AGMO: variants seen among roughly 807,000 people sequenced by gnomAD.
AGMO encodes the protein alkylglycerol monooxygenase, also known as glyceryl-ether monooxygenase.
A neutral mutation model predicts 60.2 loss-of-function variants in AGMO; 75 were observed. That is an observed-to-expected ratio of 1.25 (90% confidence interval 1.03 to 1.51). AGMO has a LOEUF of 1.51. Among genes scored for constraint, AGMO ranks in the 40% most tolerant of loss-of-function variants. The pLI, the probability that AGMO is intolerant of heterozygous loss-of-function variation, is 0.00. For synonymous variants in AGMO, 261 were observed against 177.1 expected (o/e 1.47, Z -3.76); for missense variants, 763 against 525.5 (o/e 1.45, Z -4.42).
intron 3 of AGMO, among the ~76,000 whole-genome samples, chr7:15,510,838 AAC>A (rs1479717844): frequency 9.4e-5 from 14 of 148,530 alleles, no homozygotes; most frequent in African/African-American, 3.4e-4. Context: ...GATTAATATA[AAC>A]AAGAGTTTAT....
chr7:15,423,152 G>C (rs1254506477), intron 4 of AGMO, among the ~76,000 whole-genome samples: 1 of 151,856 alleles, frequency 6.6e-6, no homozygotes, highest in Non-Finnish European at 1.5e-5. Flanking sequence ...CATATTTCTA[G>C]GATTTTCATT....
intron 12 of AGMO, among the ~76,000 whole-genome samples, chr7:15,257,845 G>T (rs970883380): frequency 6.6e-6 from 1 of 152,188 alleles, no homozygotes; most frequent in Non-Finnish European, 1.5e-5. Context: ...GTTGTGGGCA[G>T]TGGAGATTAC....
chr7:15,533,234 T>G (rs1314093211), intron 3 of AGMO, among the ~76,000 whole-genome samples: 1 of 152,074 alleles, frequency 6.6e-6, no homozygotes, highest in Non-Finnish European at 1.5e-5. Context: ...GCTGTGGTTA[T>G]GTATTTATTC....
At chr7:15,296,879 T>TGTG (rs1318409692) in intron 12 of AGMO, among the ~76,000 whole-genome samples, 1 of 152,206 alleles carries the variant, frequency 6.6e-6, no homozygotes, top group African/African-American at 2.4e-5. Context: ...GCTAGTGTTT[T>TGTG]GTGGTTCTTT....
chr7:15,434,807 T>C (rs1781353400), intron 3 of AGMO, among the ~76,000 whole-genome samples: 1 of 152,162 alleles, frequency 6.6e-6, no homozygotes, highest in African/African-American at 2.4e-5. Flanking sequence ...TTTAAGCTTG[T>C]AACTTGTTAC....
the AGMO span, among the ~76,000 whole-genome samples, chr7:15,179,321 ATTTCC>A: frequency 1.3e-5 from 2 of 152,106 alleles, no homozygotes; most frequent in African/African-American, 4.8e-5. Context: ...CCTGAGGCAA[ATTTCC>A]TCCAGCTGTG....
At chr7:15,224,488 A>C (rs928870026) in intron 12 of AGMO, among the ~76,000 whole-genome samples, 3 of 152,046 alleles carry the variant, frequency 2.0e-5, no homozygotes, top group Middle Eastern at 3.4e-3. Flanking sequence ...TACAAGAAGA[A>C]GGCTATCACC....
At chr7:15,280,684 G>A (rs1424037530) in intron 12 of AGMO, among the ~76,000 whole-genome samples, 4 of 152,146 alleles carry the variant, frequency 2.6e-5, no homozygotes, top group African/African-American at 7.2e-5. Context: ...CAACCAACAC[G>A]GTCCATCACA....
At chr7:15,411,114 G>A (rs1425884757) in intron 5 of AGMO, among the ~76,000 whole-genome samples, 2 of 151,846 alleles carry the variant, frequency 1.3e-5, no homozygotes, top group African/African-American at 4.8e-5. Flanking sequence ...CCTGATAAAA[G>A]GATAAATTTG....
chr7:15,322,573 T>A (rs868292875), intron 12 of AGMO, among the ~76,000 whole-genome samples: 8 of 47,408 alleles, frequency 1.7e-4, no homozygotes, highest in East Asian at 5.2e-4. Context: ...TAAATATATA[T>A]AAATATATAT....
At chr7:15,340,149 A>G (rs373144956) in intron 12 of AGMO, among the ~76,000 whole-genome samples, 1 of 152,164 alleles carries the variant, frequency 6.6e-6, no homozygotes, top group Admixed American at 6.5e-5. Context: ...CTCAAAATTC[A>G]TTTATGCTAT....
chr7:15,335,233 T>G (rs1264546636), intron 12 of AGMO, among the ~76,000 whole-genome samples: 1 of 152,182 alleles, frequency 6.6e-6, no homozygotes, highest in Non-Finnish European at 1.5e-5. Flanking sequence ...GAGCTGGATG[T>G]GGAATTCATG....
intron 5 of AGMO, among the ~76,000 whole-genome samples, 173 bp from the exon 6 acceptor site, chr7:15,394,352 G>A (rs1784282404): frequency 6.6e-6 from 1 of 152,134 alleles, no homozygotes; most frequent in Non-Finnish European, 1.5e-5. Flanking sequence ...AAAGACAATA[G>A]TAATCTCAAA....
chr7:15,252,835 A>AAAAGGGTG (rs1423000174), intron 12 of AGMO, among the ~76,000 whole-genome samples: 1 of 152,208 alleles, frequency 6.6e-6, no homozygotes, highest in Non-Finnish European at 1.5e-5. Context: ...CAGATACTGA[A>AAAAGGGTG]AAAGGGTGGG....
At chr7:15,302,747 T>A (rs1349356986) in intron 12 of AGMO, among the ~76,000 whole-genome samples, 4 of 152,270 alleles carry the variant, frequency 2.6e-5, no homozygotes, top group African/African-American at 9.6e-5. Context: ...TTCATTGCTG[T>A]ACCTCCATCA....
rs1037937071 is a variant in AGMO, at chr7:15,244,267, G to A, written c.1264-42908C>T. 2.0e-5 allele frequency among the ~76,000 whole-genome samples: 3 copies of A among 152,226 alleles called. No homozygotes were observed. The South Asian group carries it at 6.2e-4, about 32-fold the overall frequency. ...TTGTCCACTTGATTTTTAGAACCAG[G>A]TGATGATCTGCTCAAAATATATTTG... On this transcript the variant is annotated intron_variant, in intron 12 of 12. Transcript: ENST00000342526.
chr7:15,160,487 C>T, the AGMO span, among the ~76,000 whole-genome samples: 1 of 152,056 alleles, frequency 6.6e-6, no homozygotes, highest in Non-Finnish European at 1.5e-5. Flanking sequence ...GTCTATCTGT[C>T]TATATACGAT....
chr7:15,553,730 A>G (rs556910860), intron 2 of AGMO, among the ~76,000 whole-genome samples: 2 of 152,264 alleles, frequency 1.3e-5, no homozygotes, highest in East Asian at 3.9e-4. Flanking sequence ...ATAAATAAAT[A>G]AATAATTTCA....
At chr7:15,472,053 C>G (rs185383184) in intron 3 of AGMO, among the ~76,000 whole-genome samples, 1 of 151,842 alleles carries the variant, frequency 6.6e-6, no homozygotes, top group East Asian at 1.9e-4. Context: ...ATGCTGAAGC[C>G]TATAATTTTT....
Sources: gnomAD v4.1 joint callset for allele counts (sites outside exome capture counted in the v4.1 genomes callset) on GRCh38, gnomAD v4.1.1 for gene constraint, MANE v1.5 for transcripts, NCBI Gene and HGNC (gene_info 2026-07-23, HGNC 2026-07-21) for gene names.